The following DNAH5 variants were observed in gnomAD, a reference collection of about 807,000 sequenced individuals.
DNAH5 encodes axonemal beta dynein heavy chain 5.
DNAH5 carries 372 observed loss-of-function variants against 518.2 expected under a neutral mutation model. The ratio of observed to expected loss-of-function variants is 0.72; its 90% CI spans 0.66 to 0.78. The LOEUF is 0.78. Ranked by LOEUF, DNAH5 falls within the 30% of genes least tolerant of loss-of-function variation. DNAH5 has a pLI of 0.00. For missense variants in DNAH5, 5,523 were observed against 5,687.0 expected (o/e 0.97, Z 0.93); for synonymous variants, 2,039 against 2,025.9 (o/e 1.01, Z -0.17).
chr5:13,778,812 T>G (rs116442030), intron 53 of DNAH5, among the ~76,000 whole-genome samples: 4,312 of 152,272 alleles, frequency 0.028, 94 homozygotes, highest in Non-Finnish European at 0.038. Context: ...CTTTAGAAGT[T>G]TGATAACATC....
Position 13,727,587 on chromosome 5 carries a change from T to C in DNAH5, c.11953A>G (p.Asn3985Asp). Residue 3985 changes from asparagine (N) to aspartate (D), a missense_variant, in exon 70 of 79, where the codon AAT becomes GAT. Asn to Asp is a conservative substitution (Grantham distance 23). This residue lies in a region of DNAH5 where 5,121 missense variants were observed against 5,223.3 expected (regional missense o/e 0.98). Coordinates refer to ENST00000265104, the MANE Select transcript of DNAH5 (RefSeq NM_001369.3). ...CAGTCAAGAGATTTATCATAGGCAT[T>C]TGGAAGAGGTTCCTCCTCCGGGTTT... ...KENPEEEPLP[N>D]AYDKSLDCFR... The C allele has an allele frequency of 6.2e-7, 1 of 1,613,884 alleles. No individual in the cohort carries two copies. The highest frequency in any genetic ancestry group is 8.5e-7 in the Non-Finnish European group (1 of 1,179,820).
At position 13,923,377 on chromosome 5, in the gene DNAH5, A is replaced by G. The variant is rs1222532400; in HGVS notation, c.341T>C (p.Phe114Ser). Residue 114 changes from phenylalanine (F) to serine (S), a missense_variant, in exon 4 of 79, where the codon TTC becomes TCC. Physicochemically the swap from Phe to Ser is radical, Grantham distance 155. Around this residue, in one of 3 missense-constraint regions of DNAH5, gnomAD observed 5,121 missense variants for 5,223.3 expected, o/e 0.98. Transcript: ENST00000265104. ...AGCCACATCGTTTCCCTCGGTCACGAACACCTTAGGTTTTTTAATCTTTCC... is the reference window on the plus strand; with the variant it reads ...AGCCACATCGTTTCCCTCGGTCACGGACACCTTAGGTTTTTTAATCTTTCC... ...VSGKIKKPKV[F>S]VTEGNDVALT... 2.5e-6 allele frequency: 4 copies of G among 1,614,194 alleles called. No individual in the cohort carries two copies. Among genetic ancestry groups the G allele is most frequent in the Non-Finnish European group, 2.5e-6 (3 of 1,180,006 alleles).
rs1769651380 is a variant in DNAH5, at chr5:13,868,740, A to G, written c.3835-748T>C. 5.3e-5 allele frequency among the ~76,000 whole-genome samples: 8 copies of G among 152,312 alleles called. No homozygotes were observed. The South Asian group carries it at 1.7e-3, about 32-fold the overall frequency. On this transcript the variant is annotated intron_variant, in intron 24 of 78. Coordinates refer to ENST00000265104, the MANE Select transcript of DNAH5 (RefSeq NM_001369.3). ...TCTCCGTGGAGGCATGCCTGTGGTC[A>G]GCACCTCAGTGCCATAAACTGGATC...
At chr5:13,986,501 T>C (rs1209149181) in intron 1 of DNAH5, among the ~76,000 whole-genome samples, 1 of 152,152 alleles carries the variant, frequency 6.6e-6, no homozygotes, top group Admixed American at 6.6e-5. Context: ...TGGCAGTAAA[T>C]GTGAAGCTCA....
intron 2 of DNAH5, 104 bp from the exon 3 acceptor site, chr5:13,928,282 C>T (rs1341030304): frequency 3.8e-6 from 3 of 784,610 alleles, no homozygotes; most frequent in Admixed American, 2.0e-5. Context: ...TGTCATCTTT[C>T]TTATTCAAAC....
At chr5:13,719,423 C>T (rs1744748655) in intron 71 of DNAH5, among the ~76,000 whole-genome samples, 1 of 152,010 alleles carries the variant, frequency 6.6e-6, no homozygotes, top group Admixed American at 6.6e-5. Context: ...AACTCAGATC[C>T]CTCCCCAAAT....
At chr5:13,812,656 C>G (rs1269687386) in intron 43 of DNAH5, among the ~76,000 whole-genome samples, 1 of 152,044 alleles carries the variant, frequency 6.6e-6, no homozygotes, top group Non-Finnish European at 1.5e-5. Flanking sequence ...TTAGTTGTTT[C>G]TTTTTATTTC....
intron 24 of DNAH5, among the ~76,000 whole-genome samples, chr5:13,869,196 G>A (rs569659448): frequency 3.2e-4 from 49 of 152,228 alleles, no homozygotes; most frequent in African/African-American, 1.2e-3. Context: ...TCATGGTAAT[G>A]TGAAAATTTT....
Position 13,778,848 on chromosome 5 carries a change from G to A in DNAH5, c.8952-1493C>T, listed in dbSNP as rs76874024. Reference sequence around the variant, plus strand: ...TTGAAAGCTATGAAAAGGAAAGAAAGACCCTGGCCCTTCGTCTCATCAGTA... The same window carrying A: ...TTGAAAGCTATGAAAAGGAAAGAAAAACCCTGGCCCTTCGTCTCATCAGTA... On this transcript the variant is annotated intron_variant, in intron 53 of 78. Coordinates refer to ENST00000265104, the MANE Select transcript of DNAH5 (RefSeq NM_001369.3). Among the ~76,000 whole-genome samples the A allele has an allele frequency of 5.3e-5, 8 of 152,326 alleles. 1 individual carries two copies. The East Asian group carries it at 1.3e-3, about 26-fold the overall frequency.
In DNAH5 at chr5:13,791,982, A is replaced by G. The variant is rs1178876702; in HGVS notation, c.8448+12T>C. The G allele has an allele frequency of 5.0e-6, 8 of 1,600,672 alleles. No homozygotes were observed. Among genetic ancestry groups the G allele is most frequent in the Middle Eastern group, 3.4e-4 (2 of 5,930 alleles). ...CAATGTTATTTGTTTTTCTTTCTTC[A>G]GTGTCACTTACATTTGGTTCCTTGA... On this transcript the variant is annotated intron_variant, in intron 50 of 78. Coordinates refer to ENST00000265104, the MANE Select transcript of DNAH5 (RefSeq NM_001369.3).
intron 1 of DNAH5, among the ~76,000 whole-genome samples, chr5:13,987,950 A>G (rs1403392634): frequency 6.6e-6 from 1 of 152,206 alleles, no homozygotes; most frequent in Non-Finnish European, 1.5e-5. Flanking sequence ...AGAGTCAAAA[A>G]CTAGACAAAC....
intron 1 of DNAH5, among the ~76,000 whole-genome samples, chr5:13,972,664 TGGGCACTCG>T (rs1244422711): frequency 2.0e-5 from 3 of 152,176 alleles, no homozygotes; most frequent in African/African-American, 7.2e-5. Context: ...TCTCACACTT[TGGGCACTCG>T]GAGTTTCTCA....
chr5:13,963,846 G>A (rs1781351988), intron 1 of DNAH5, among the ~76,000 whole-genome samples: 1 of 151,950 alleles, frequency 6.6e-6, no homozygotes, highest in Non-Finnish European at 1.5e-5. Flanking sequence ...GTGCCACCAC[G>A]CCCAGCTAAT....
chr5:13,845,096 G>T, intron 31 of DNAH5, 103 bp from the exon 32 acceptor site: 1 of 1,109,356 alleles, frequency 9.0e-7, no homozygotes, highest in Non-Finnish European at 1.3e-6. Flanking sequence ...TGTGTGACTT[G>T]TGACAATCTG....
intron 75 of DNAH5, among the ~76,000 whole-genome samples, chr5:13,710,964 T>C (rs1426297557): frequency 6.6e-6 from 1 of 152,178 alleles, no homozygotes; most frequent in Non-Finnish European, 1.5e-5. Flanking sequence ...ACCAATCCTT[T>C]TGACACTATT....
At chr5:13,910,188 T>TA (rs1191449198) in intron 12 of DNAH5, among the ~76,000 whole-genome samples, 2 of 152,142 alleles carry the variant, frequency 1.3e-5, no homozygotes, top group African/African-American at 4.8e-5. Context: ...CCACAATGGT[T>TA]AAAAAAGTTG....
chr5:13,929,070 T>C (rs1456541741), intron 2 of DNAH5, among the ~76,000 whole-genome samples: 2 of 152,186 alleles, frequency 1.3e-5, no homozygotes, highest in Non-Finnish European at 2.9e-5. Flanking sequence ...TTACTCACAA[T>C]AGCTTCCACA....
At position 13,830,739 on chromosome 5, in the gene DNAH5, G is replaced by A; in HGVS notation, c.5919C>T (p.Ser1973=). 6.2e-7 allele frequency: 1 copy of A among 1,614,150 alleles called. No homozygotes were observed. Among genetic ancestry groups the A allele is most frequent in the Non-Finnish European group, 8.5e-7 (1 of 1,180,038 alleles). The stretch of plus-strand genomic sequence containing the variant: ...CAGGTCCAGCAGGGGCTCCCCCCAT[G>A]CTCATTCCCAGAGCTTGAGCCAGCG... The part of the protein sequence containing the change: ...YITLAQALGM[S]MGGAPAGPAG... Residue 1973 remains serine, a synonymous_variant, in exon 36 of 79, where the codon AGC becomes AGT. Coordinates refer to ENST00000265104, the MANE Select transcript of DNAH5 (RefSeq NM_001369.3).
At chr5:13,983,211 T>C (rs1782810863) in intron 1 of DNAH5, among the ~76,000 whole-genome samples, 1 of 152,178 alleles carries the variant, frequency 6.6e-6, no homozygotes, top group Non-Finnish European at 1.5e-5. Context: ...AGGTGAGGGC[T>C]GAGAACACCT....
Sources: allele counts gnomAD v4.1 joint callset (sites outside exome capture counted in the v4.1 genomes callset), GRCh38; gene constraint gnomAD v4.1.1; regional missense constraint gnomAD v4.1.1; transcripts MANE v1.5; gene names NCBI Gene and HGNC (gene_info 2026-07-23, HGNC 2026-07-21).